CACNB1: variants seen among roughly 807,000 people sequenced by gnomAD.
CACNB1 encodes voltage-dependent L-type calcium channel subunit beta-1.
CACNB1 carries 29 observed loss-of-function variants against 71.6 expected under a neutral mutation model. That is an observed-to-expected ratio of 0.40 (90% CI 0.30 to 0.55). The LOEUF (loss-of-function observed/expected upper bound fraction) is 0.55, where lower values mean the gene tolerates loss of function less well. CACNB1 is among the 20% of genes least tolerant of loss of function. The pLI is 0.38. For missense variants in CACNB1, 623 were observed against 801.8 expected (o/e 0.78, Z 2.69); for synonymous variants, 300 against 319.6 (o/e 0.94, Z 0.65).
At position 39,188,327 on chromosome 17, in the gene CACNB1, G is replaced by A. The variant is rs111839153; in HGVS notation, c.292-726C>T. 4.8e-3 allele frequency among the ~76,000 whole-genome samples: 733 copies of A among 151,956 alleles called. 5 individuals are homozygous for A. The highest frequency in any genetic ancestry group is 0.017 in the African/African-American group (713 of 41,436). On this transcript the variant is annotated intron_variant, in intron 3 of 13. Coordinates refer to ENST00000394303, the MANE Select transcript of CACNB1 (RefSeq NM_000723.5). ...GTGGTGGCTCACGCCTGTAATCCCA[G>A]CATTTTGGGAGGCAGAGGCAGGTGG...
At chr17:39,183,974 C>A in intron 10 of CACNB1, 57 bp downstream of exon 10, 1 of 1,540,758 alleles carries the variant, frequency 6.5e-7, no homozygotes, top group Non-Finnish European at 9.0e-7. Context: ...CCACACCTCC[C>A]ACCCCTCCCA....
In CACNB1 at chr17:39,174,170, C is replaced by G. The variant is rs1436777897; in HGVS notation, c.*1023G>C. On this transcript the variant is annotated 3_prime_UTR_variant, in exon 14 of 14. Transcript: ENST00000394303. ...CAGGGGAGAGGGGGTACCAAGGCCT[C>G]TCCTGGGGGAAGTGAACATGGGTAA... is the stretch of plus-strand genomic sequence containing the variant. 6.5e-6 allele frequency: 1 copy of G among 152,990 alleles called. No homozygotes were observed. Among genetic ancestry groups the G allele is most frequent in the African/African-American group, 2.4e-5 (1 of 41,400 alleles). 9.5% of individuals were successfully genotyped at this position (152,990 alleles called of 1,614,324 possible).
At chr17:39,179,669 C>T (rs557801225) in intron 11 of CACNB1, among the ~76,000 whole-genome samples, 2 of 151,810 alleles carry the variant, frequency 1.3e-5, no homozygotes, top group South Asian at 2.1e-4. Flanking sequence ...GAGGCTGAGG[C>T]GGGTGGATCA....
intron 11 of CACNB1, chr17:39,178,388 T>G (rs937708479): frequency 1.4e-5 from 3 of 212,238 alleles, no homozygotes; most frequent in Non-Finnish European, 2.9e-5. Flanking sequence ...TTTTTTTGTT[T>G]TTTTTTTTTT....
At position 39,175,242 on chromosome 17, in the gene CACNB1, C is replaced by T. The variant is rs866053848; in HGVS notation, c.1748G>A (p.Arg583His). 6.2e-7 allele frequency: 1 copy of T among 1,613,990 alleles called. No homozygotes were observed. Among genetic ancestry groups the T allele is most frequent in the South Asian group, 1.1e-5 (1 of 91,074 alleles). Residue 583 changes from arginine (R) to histidine (H), a missense_variant, in exon 14 of 14, where the codon CGC (arginine) becomes CAC (histidine). Arg to His is a conservative substitution (Grantham distance 29, BLOSUM62 0). Coordinates refer to ENST00000394303, the MANE Select transcript of CACNB1 (RefSeq NM_000723.5). This position sits in a 1 kb window ranked among gnomAD's most constrained non-coding sequence, Gnocchi z 4.7. Reference protein sequence around the residue: ...CAEGGGPVLGRNKNELEGWGR... With the variant: ...CAEGGGPVLGHNKNELEGWGR... ...CCAGCCCTCCAGCTCATTCTTGTTG[C>T]GCCCCAAAACTGGACCCCCACCCTC...
chr17:39,195,026 T>C, intron 1 of CACNB1, 56 bp from the exon 2 acceptor site: 1 of 1,248,976 alleles, frequency 8.0e-7, no homozygotes, highest in Non-Finnish European at 1.2e-6. Flanking sequence ...TTCCCAACCC[T>C]CATCTTGCCA....
Position 39,184,306 on chromosome 17 carries a change from G to A in CACNB1, c.788+19C>T. 1.3e-6 allele frequency: 2 copies of A among 1,512,744 alleles called. No homozygotes were observed. The highest frequency in any genetic ancestry group is 2.0e-4 in the Middle Eastern group (1 of 5,072). 93.7% of individuals were successfully genotyped at this position (1,512,744 alleles called of 1,614,324 possible). On this transcript the variant is annotated intron_variant, in intron 9 of 13. Coordinates refer to ENST00000394303, the MANE Select transcript of CACNB1 (RefSeq NM_000723.5). ...CAGAGAGCAACGGCAGGTGCGAGGAGCAGCTCCCAGGATCTTACCTGCCAT... is the reference window on the plus strand; with the variant it reads ...CAGAGAGCAACGGCAGGTGCGAGGAACAGCTCCCAGGATCTTACCTGCCAT...
intron 2 of CACNB1, chr17:39,191,876 G>C: frequency 6.8e-6 from 3 of 440,344 alleles, no homozygotes; most frequent in Non-Finnish European, 4.0e-6. Context: ...GTGGGAACCT[G>C]ATAGGGGCAC....
chr17:39,177,333 G>T lies in CACNB1; in HGVS notation c.1332+17C>A. 1 of 1,612,560 alleles carries T rather than the reference G, an allele frequency of 6.2e-7. No homozygotes were observed. Among genetic ancestry groups the T allele is most frequent in the Non-Finnish European group, 8.5e-7 (1 of 1,179,394 alleles). ...CCAGAAGCCGAGGTTTCTCCTGAGC[G>T]AGGTGAGCACCTGTACCTGGAGGTT... On this transcript the variant is annotated intron_variant, in intron 13 of 13. Coordinates refer to ENST00000394303, the MANE Select transcript of CACNB1 (RefSeq NM_000723.5).
chr17:39,188,170 C>T (rs1886314402), intron 3 of CACNB1, among the ~76,000 whole-genome samples: 2 of 152,014 alleles, frequency 1.3e-5, no homozygotes, highest in African/African-American at 4.8e-5. Context: ...GTAATCCCAG[C>T]TACTCAGGGG....
intron 1 of CACNB1, 62 bp from the exon 2 acceptor site, chr17:39,195,032 T>C (rs534012): frequency 0.14 from 162,945 of 1,165,998 alleles, 12,572 homozygotes; most frequent in Non-Finnish European, 0.17. Context: ...ACCCTCATCT[T>C]GCCAGCCCCA....
In CACNB1 at chr17:39,193,482, G is replaced by A. The variant is rs991912925; in HGVS notation, c.171+1402C>T. The A allele has an allele frequency of 2.4e-5, 11 of 453,548 alleles. No individual in the cohort carries two copies. The East Asian group carries it at 2.8e-4, about 12-fold the overall frequency. The allele number at this position is 453,548 out of a possible 1,614,324, so 28.1% of individuals were successfully genotyped here. A position where few individuals can be genotyped will look rare whatever the true frequency, so the allele number is the denominator to read the frequency against. Reference sequence around the variant, plus strand: ...CGGTCCGGCTGGGCGCCTCCATCCCGGCACCCTCAGTGCCTGGCCCTGCTG... The same window carrying A: ...CGGTCCGGCTGGGCGCCTCCATCCCAGCACCCTCAGTGCCTGGCCCTGCTG... On this transcript the variant is annotated intron_variant, in intron 2 of 13. Coordinates refer to ENST00000394303, the MANE Select transcript of CACNB1 (RefSeq NM_000723.5).
intron 3 of CACNB1, among the ~76,000 whole-genome samples, chr17:39,189,918 C>T (rs1033640578): frequency 1.3e-5 from 2 of 149,062 alleles, no homozygotes; most frequent in African/African-American, 4.9e-5. Flanking sequence ...TGAGACCAGC[C>T]TGGCCAACAT....
At position 39,177,599 on chromosome 17, in the gene CACNB1, T is replaced by C. The variant is rs933992377; in HGVS notation, c.1147-64A>G. On this transcript the variant is annotated intron_variant, in intron 12 of 13. Transcript: ENST00000394303. ...GGGGCATGGCCAAGGGGGTTGAGGGTGTGGCCTGGGTGCAGTGGGTAGAGT... is the reference window on the plus strand; with the variant it reads ...GGGGCATGGCCAAGGGGGTTGAGGGCGTGGCCTGGGTGCAGTGGGTAGAGT... 39 of 1,376,604 alleles carry C rather than the reference T, an allele frequency of 2.8e-5. No individual in the cohort carries two copies. The African/African-American group carries it at 5.1e-4, about 18-fold the overall frequency. The allele number at this position is 1,376,604 out of a possible 1,614,324, so 85.3% of individuals were successfully genotyped here.
At chr17:39,197,364 G>T in intron 1 of CACNB1, 48 bp downstream of exon 1, 1 of 1,301,940 alleles carries the variant, frequency 7.7e-7, no homozygotes, top group Non-Finnish European at 1.0e-6. Flanking sequence ...CCTTAACACG[G>T]TCCGCGGGAG....
At chr17:39,191,721 G>T in intron 2 of CACNB1, 128 bp from the exon 3 acceptor site, 1 of 870,998 alleles carries the variant, frequency 1.1e-6, no homozygotes, top group Non-Finnish European at 1.7e-6. Flanking sequence ...CACCACAAGG[G>T]CTAAGACAAG....
chr17:39,180,865 A>T (rs1385761919), intron 11 of CACNB1, among the ~76,000 whole-genome samples: 1 of 152,094 alleles, frequency 6.6e-6, no homozygotes, highest in Middle Eastern at 3.2e-3. Flanking sequence ...GGTGTGAGCC[A>T]CCAAGCCTGG....
At chr17:39,193,623 C>G in intron 2 of CACNB1, 1 of 279,946 alleles carries the variant, frequency 3.6e-6, no homozygotes, top group Admixed American at 5.0e-5. Flanking sequence ...AGGACTGCCC[C>G]CCTCCACCAC....
At chr17:39,178,798 G>A (rs1287120646) in intron 11 of CACNB1, among the ~76,000 whole-genome samples, 1 of 152,120 alleles carries the variant, frequency 6.6e-6, no homozygotes, top group East Asian at 1.9e-4. Context: ...CAACAATCCT[G>A]TTAGATAGCT....
Sources: gnomAD v4.1 joint callset for allele counts (sites outside exome capture counted in the v4.1 genomes callset) on GRCh38, gnomAD v4.1.1 for gene constraint, Gnocchi (gnomAD v3.1) non-coding constraint, MANE v1.5 for transcripts, NCBI Gene and HGNC (gene_info 2026-07-23, HGNC 2026-07-21) for gene names.